Variants in TG observed in about 807,000 individuals in gnomAD.
TG encodes thyroid hormones.
TG carries 270 observed loss-of-function variants against 324.7 expected under a neutral mutation model. That is an observed-to-expected ratio of 0.83 (90% CI 0.75 to 0.92). TG has a LOEUF of 0.92. Ranked by LOEUF, TG falls within the 40% of genes least tolerant of loss-of-function variation. The pLI, the probability that TG is intolerant of heterozygous loss-of-function variation, is 0.00. For synonymous variants in TG, 1,401 were observed against 1,327.0 expected, an observed-to-expected ratio of 1.06 and a Z score of -1.21; for missense variants, 3,591 against 3,456.4, an observed-to-expected ratio of 1.04 and a Z score of -0.98.
At chr8:132,910,919 C>T (rs1320248760) in intron 18 of TG, among the ~76,000 whole-genome samples, 4 of 152,176 alleles carry the variant, frequency 2.6e-5, no homozygotes, top group African/African-American at 9.7e-5. Context: ...CCCTGAGGAG[C>T]CTGCAGTACA....
chr8:132,982,458 G>A (rs1220767201), intron 34 of TG, among the ~76,000 whole-genome samples: 2 of 152,188 alleles, frequency 1.3e-5, no homozygotes, highest in African/African-American at 2.4e-5. Flanking sequence ...CACATACTGG[G>A]TATGAATGGT....
intron 35 of TG, among the ~76,000 whole-genome samples, chr8:132,990,442 A>C (rs1832173909): frequency 6.6e-6 from 1 of 151,964 alleles, no homozygotes; most frequent in African/African-American, 2.4e-5. Context: ...AACATTCCAA[A>C]TCCTCTCTCC....
chr8:133,060,323 G>GTT (rs747844787), intron 41 of TG: 2 of 1,555,944 alleles, frequency 1.3e-6, no homozygotes, highest in Non-Finnish European at 1.7e-6. Context: ...AAAGGCGGCT[G>GTT]TTTATATGTG....
At chr8:132,983,504 T>C (rs1176401014) in intron 35 of TG, 92 bp downstream of exon 35, 4 of 1,241,080 alleles carry the variant, frequency 3.2e-6, no homozygotes, top group Non-Finnish European at 4.8e-6. Context: ...CAGAAGTTGA[T>C]AGCTTGCATA....
chr8:133,026,526 C>G (rs1025058488), intron 40 of TG, among the ~76,000 whole-genome samples: 2 of 152,196 alleles, frequency 1.3e-5, no homozygotes, highest in Non-Finnish European at 2.9e-5. Context: ...TGTTGTTCCT[C>G]TCTGTCTGGC....
At chr8:133,095,550 C>G (rs530553497) in intron 42 of TG, among the ~76,000 whole-genome samples, 1 of 152,192 alleles carries the variant, frequency 6.6e-6, no homozygotes, top group Non-Finnish European at 1.5e-5. Context: ...GGGCAGGGGA[C>G]CAAACCCTTA....
intron 35 of TG, among the ~76,000 whole-genome samples, chr8:133,003,497 G>A (rs1459334624): frequency 2.6e-5 from 4 of 151,062 alleles, no homozygotes; most frequent in East Asian, 3.9e-4. Flanking sequence ...TAGTCACTGT[G>A]CTGTGTAATA....
intron 20 of TG, among the ~76,000 whole-genome samples, chr8:132,913,630 C>A (rs373935286): frequency 1.3e-5 from 2 of 152,296 alleles, no homozygotes; most frequent in South Asian, 2.1e-4. Context: ...GGTCATTCAT[C>A]AGCCCAGGGC....
At chr8:132,978,492 T>C (rs2130631459) in intron 34 of TG, among the ~76,000 whole-genome samples, 1 of 152,246 alleles carries the variant, frequency 6.6e-6, no homozygotes, top group South Asian at 2.1e-4. Context: ...CACACCCCTC[T>C]GGGAGGAGGG....
chr8:132,918,964 G>T (rs1179727702), intron 20 of TG, among the ~76,000 whole-genome samples: 2 of 152,146 alleles, frequency 1.3e-5, no homozygotes, highest in Non-Finnish European at 2.9e-5. Flanking sequence ...ATGTAACAGG[G>T]CGATAGACTA....
chr8:132,919,142 C>G (rs906429314), intron 20 of TG, among the ~76,000 whole-genome samples: 4 of 152,108 alleles, frequency 2.6e-5, no homozygotes, highest in African/African-American at 9.7e-5. Context: ...CCTGTCTGAC[C>G]CTCTCATCTC....
At chr8:132,953,626 G>A (rs770604363) in intron 27 of TG, among the ~76,000 whole-genome samples, 1 of 152,112 alleles carries the variant, frequency 6.6e-6, no homozygotes, top group Admixed American at 6.5e-5. Flanking sequence ...CTAATCCCAC[G>A]AAACACCTGG....
intron 34 of TG, among the ~76,000 whole-genome samples, chr8:132,978,010 G>A (rs923430469): frequency 1.4e-4 from 22 of 152,230 alleles, no homozygotes; most frequent in Admixed American, 1.1e-3. Flanking sequence ...AAGCATTACT[G>A]TATGTCAGAC....
chr8:133,058,559 G>A (rs985776803), intron 41 of TG, among the ~76,000 whole-genome samples: 3 of 152,212 alleles, frequency 2.0e-5, no homozygotes, highest in African/African-American at 7.2e-5. Context: ...GTGGGTGGGT[G>A]CCTCCCCAGC....
intron 1 of TG, among the ~76,000 whole-genome samples, chr8:132,867,844 C>T (rs948812721): frequency 2.0e-5 from 3 of 152,030 alleles, no homozygotes; most frequent in African/African-American, 4.8e-5. Flanking sequence ...TTGCCAGTTA[C>T]GTGACTTTGG....
intron 35 of TG, among the ~76,000 whole-genome samples, chr8:132,991,939 G>A (rs1194269187): frequency 6.6e-6 from 1 of 152,104 alleles, no homozygotes; most frequent in Non-Finnish European, 1.5e-5. Flanking sequence ...ATGATAGTAG[G>A]TCTTAGGAAA....
chr8:132,868,736 C>G (rs984745095), intron 2 of TG, among the ~76,000 whole-genome samples: 2 of 152,210 alleles, frequency 1.3e-5, no homozygotes, highest in Admixed American at 1.3e-4. Context: ...TTGAGCTGCT[C>G]TCTGAAAGGG....
At chr8:133,118,540 G>A (rs1460402547) in intron 45 of TG, among the ~76,000 whole-genome samples, 1 of 152,086 alleles carries the variant, frequency 6.6e-6, no homozygotes, top group Non-Finnish European at 1.5e-5. Context: ...GGCCAGGCTG[G>A]TCTCGAATTC....
In TG at chr8:132,888,043, C is replaced by A; in HGVS notation, c.2236C>A (p.Leu746Ile). Reference sequence around the variant, plus strand: ...TTTCCTCAGGACGGTGCAGGCCCTGCTCTCTAACTCCAGCATGCTACCCAC... The same window carrying A: ...TTTCCTCAGGACGGTGCAGGCCCTGATCTCTAACTCCAGCATGCTACCCAC... The part of the protein sequence containing the change: ...QAFLRTVQAL[L>I]SNSSMLPTLS... Residue 746 changes from leucine to isoleucine, a missense_variant, in exon 10 of 48, where the codon CTC (leucine) becomes ATC (isoleucine). Transcript: ENST00000220616. 6.2e-7 allele frequency: 1 copy of A among 1,614,162 alleles called. No individual in the cohort carries two copies. Among genetic ancestry groups the A allele is most frequent in the East Asian group, 2.2e-5 (1 of 44,878 alleles).
Sources: allele counts gnomAD v4.1 joint callset (sites outside exome capture counted in the v4.1 genomes callset), GRCh38; gene constraint gnomAD v4.1.1; transcripts MANE v1.5; gene names NCBI Gene and HGNC (gene_info 2026-07-23, HGNC 2026-07-21).